Variants in HOMEZ observed in about 807,000 individuals in gnomAD.
HOMEZ encodes homeobox and leucine zipper protein Homez.
HOMEZ carries 20 observed loss-of-function variants against 50.1 expected under a neutral mutation model. The observed-to-expected ratio is 0.40, with a 90% confidence interval of 0.28 to 0.58. The LOEUF (loss-of-function observed/expected upper bound fraction) is 0.58. Among genes scored for constraint, HOMEZ ranks in the 20% least tolerant of loss-of-function variants. The pLI is 0.46. For synonymous variants in HOMEZ, 239 were observed against 254.7 expected (o/e 0.94, Z 0.59); for missense variants, 579 against 680.5 (o/e 0.85, Z 1.66).
chr14:23,284,227 A>C (rs1886614584), intron 1 of HOMEZ, among the ~76,000 whole-genome samples: 2 of 152,358 alleles, frequency 1.3e-5, no homozygotes, highest in African/African-American at 4.8e-5. Context: ...CAACTTAACA[A>C]AGGCAATAGT....
At position 23,276,207 on chromosome 14, in the gene HOMEZ, G is replaced by C. The variant is rs770482162; in HGVS notation, c.1021C>G (p.Pro341Ala). Residue 341 changes from proline to alanine, a missense_variant, in exon 2 of 2, where the codon CCA (proline) becomes GCA (alanine). Physicochemically the swap from Pro to Ala is conservative, Grantham distance 27. Transcript: ENST00000357460. This position sits in a 1 kb window ranked among gnomAD's most constrained non-coding sequence, Gnocchi z 4.1. ...WPQGLRHNSV[P>A]GRVGPTEYLS... Reference sequence around the variant, plus strand: ...TACTCTGTGGGGCCAACTCTACCTGGTACTGAGTTATGCCGTAGCCCTTGG... The same window carrying C: ...TACTCTGTGGGGCCAACTCTACCTGCTACTGAGTTATGCCGTAGCCCTTGG... The C allele has an allele frequency of 6.2e-7, 1 of 1,613,982 alleles. No homozygotes were observed. The highest frequency in any genetic ancestry group is 1.7e-5 in the Admixed American group (1 of 59,998).
In HOMEZ at chr14:23,272,714, A is replaced by G. The variant is rs530324747; in HGVS notation, c.*2861T>C. 35 of 733,230 alleles carry G rather than the reference A, an allele frequency of 4.8e-5. No individual in the cohort carries two copies. In the African/African-American group the frequency reaches 5.1e-4, roughly 11 times the overall value. 45.4% of individuals were successfully genotyped at this position (733,230 alleles called of 1,614,324 possible). ...CAATGAAGAAAACTATGGGGAAGCAAAAGCAGTGGTGTCTGTCTCGATAAG... is the reference window on the plus strand; with the variant it reads ...CAATGAAGAAAACTATGGGGAAGCAGAAGCAGTGGTGTCTGTCTCGATAAG... On this transcript the variant is annotated 3_prime_UTR_variant, in exon 2 of 2. Coordinates refer to ENST00000357460, the MANE Select transcript of HOMEZ (RefSeq NM_020834.3).
chr14:23,276,248 A>G lies in HOMEZ; in HGVS notation c.980T>C (p.Leu327Pro), dbSNP rs1886352598. Reference protein sequence around the residue: ...SPSEQALPPHLEPAWPQGLRH... With the variant: ...SPSEQALPPHPEPAWPQGLRH... ...TAGCCCTTGGGGCCAGGCTGGTTCC[A>G]GATGTGGGGGTAATGCCTGTTCACT... Residue 327 changes from leucine to proline, a missense_variant, in exon 2 of 2, where the codon CTG becomes CCG. Leu to Pro is a moderately conservative substitution (Grantham distance 98). Transcript: ENST00000357460. The surrounding 1 kb of genome is among the most constrained non-coding windows in gnomAD (Gnocchi z 4.1). 6.2e-7 allele frequency: 1 copy of G among 1,613,944 alleles called. No individual in the cohort carries two copies. The highest frequency in any genetic ancestry group is 8.5e-7 in the Non-Finnish European group (1 of 1,179,880).
intron 1 of HOMEZ, among the ~76,000 whole-genome samples, chr14:23,278,055 C>T (rs1467983724): frequency 6.6e-6 from 1 of 152,080 alleles, no homozygotes; most frequent in Non-Finnish European, 1.5e-5. Context: ...TCTTGAACTC[C>T]TGACCTCGTG....
chr14:23,279,298 A>G (rs575092910), intron 1 of HOMEZ, among the ~76,000 whole-genome samples: 1 of 152,220 alleles, frequency 6.6e-6, no homozygotes, highest in South Asian at 2.1e-4. Context: ...GCGCCCTCAT[A>G]GATGGAGCAG....
chr14:23,278,132 T>C (rs2051579555), intron 1 of HOMEZ, among the ~76,000 whole-genome samples: 1 of 151,576 alleles, frequency 6.6e-6, no homozygotes, highest in African/African-American at 2.4e-5. Context: ...AGCTGGTGGG[T>C]TGTTTTTTTT....
rs1886281871 is a variant in HOMEZ, at chr14:23,274,150, A to G, written c.*1425T>C. 1 of 152,608 alleles carries G rather than the reference A, an allele frequency of 6.6e-6. No individual in the cohort carries two copies. Among genetic ancestry groups the G allele is most frequent in the South Asian group, 2.1e-4 (1 of 4,826 alleles). The allele number at this position is 152,608 out of a possible 1,614,324, so 9.5% of individuals were successfully genotyped here. On this transcript the variant is annotated 3_prime_UTR_variant, in exon 2 of 2. Transcript: ENST00000357460. ...AACTCATTGATGATACCTATTTGCC[A>G]TATAGCTGATCCCAACTGATGAAAA...
chr14:23,280,710 T>TTTTTATTTTATTTTATTTTATTTTA (rs1310956438), intron 1 of HOMEZ, among the ~76,000 whole-genome samples: 983 of 61,876 alleles, frequency 0.016, 154 homozygotes, highest in Non-Finnish European at 0.023. Context: ...TATATTTTTA[T>TTTTTATTTTATTTTATTTTATTTTA]TTTTATTTTA....
chr14:23,282,455 G>A (rs1173021336), intron 1 of HOMEZ, among the ~76,000 whole-genome samples: 1 of 151,798 alleles, frequency 6.6e-6, no homozygotes, highest in Non-Finnish European at 1.5e-5. Flanking sequence ...CAGCTGAAAT[G>A]GCCTGGGAGG....
In HOMEZ at chr14:23,275,358, T is replaced by G; in HGVS notation, c.*217A>C. On this transcript the variant is annotated 3_prime_UTR_variant, in exon 2 of 2. Transcript: ENST00000357460. The stretch of plus-strand genomic sequence containing the variant: ...CACTCCCTACCCTAAGGTTAGAGGG[T>G]TGGATTTCTGCTGATCCAATCCCAG... The G allele has an allele frequency of 1.7e-6, 1 of 586,316 alleles. No individual in the cohort carries two copies. The highest frequency in any genetic ancestry group is 2.9e-6 in the Non-Finnish European group (1 of 340,396). 36.3% of individuals were successfully genotyped at this position (586,316 alleles called of 1,614,324 possible). A position where few individuals can be genotyped will look rare whatever the true frequency, so the allele number is the denominator to read the frequency against.
chr14:23,272,996 C>T lies in HOMEZ; in HGVS notation c.*2579G>A. The T allele has an allele frequency of 3.1e-6, 2 of 646,228 alleles. No individual in the cohort carries two copies. The highest frequency in any genetic ancestry group is 5.3e-6 in the Non-Finnish European group (2 of 379,568). 40.0% of individuals were successfully genotyped at this position (646,228 alleles called of 1,614,324 possible). On this transcript the variant is annotated 3_prime_UTR_variant, in exon 2 of 2. Transcript: ENST00000357460. ...GGAAAATGTATCCCTGCATTGTTTCCTAGTTTCACTCTGTACCTTATGCTC... is the reference window on the plus strand; with the variant it reads ...GGAAAATGTATCCCTGCATTGTTTCTTAGTTTCACTCTGTACCTTATGCTC...
rs1188875917 is a variant in HOMEZ at position 23,273,675 on chromosome 14, G to A, written c.*1900C>T. On this transcript the variant is annotated 3_prime_UTR_variant, in exon 2 of 2. Transcript: ENST00000357460. Reference sequence around the variant, plus strand: ...ATCTGCCAGAAATAAATTAGGTCTTGGGAATGATCTTGTATCTGAACTAGG... The same window carrying A: ...ATCTGCCAGAAATAAATTAGGTCTTAGGAATGATCTTGTATCTGAACTAGG... The A allele has an allele frequency of 6.6e-6, 1 of 152,216 alleles. No homozygotes were observed. Among genetic ancestry groups the A allele is most frequent in the Non-Finnish European group, 1.5e-5 (1 of 68,036 alleles). The allele number at this position is 152,216 out of a possible 1,614,324, so 9.4% of individuals were successfully genotyped here. A position where few individuals can be genotyped will look rare whatever the true frequency, so the allele number is the denominator to read the frequency against.
chr14:23,281,091 TA>T (rs1886546020), intron 1 of HOMEZ, among the ~76,000 whole-genome samples: 5 of 152,064 alleles, frequency 3.3e-5, no homozygotes, highest in African/African-American at 4.8e-5. Context: ...TTTTAAGTAT[TA>T]CTCCTGATCT....
chr14:23,283,020 T>C (rs543674858), intron 1 of HOMEZ, among the ~76,000 whole-genome samples: 3 of 152,298 alleles, frequency 2.0e-5, no homozygotes. Context: ...GTAGACCCTA[T>C]AGTAATCAAA....
At chr14:23,278,260 C>T (rs149611930) in intron 1 of HOMEZ, among the ~76,000 whole-genome samples, 1 of 152,246 alleles carries the variant, frequency 6.6e-6, no homozygotes, top group Non-Finnish European at 1.5e-5. Context: ...AAGCTATCCA[C>T]CAACTCTCAC....
intron 1 of HOMEZ, among the ~76,000 whole-genome samples, chr14:23,278,306 G>A (rs1427864407): frequency 6.6e-6 from 1 of 152,054 alleles, no homozygotes; most frequent in African/African-American, 2.4e-5. Flanking sequence ...ACATAGTGAA[G>A]ACTCAACCAC....
chr14:23,280,713 TTA>T lies in HOMEZ; in HGVS notation c.41-3528_41-3527del, dbSNP rs1555323561. 2.3e-4 allele frequency among the ~76,000 whole-genome samples: 13 copies of T among 57,384 alleles called. 1 individual carries two copies. Among genetic ancestry groups the T allele is most frequent in the South Asian group, 1.1e-3 (2 of 1,786 alleles). The allele number at this position is 57,384 out of a possible 152,430, so 37.6% of individuals were successfully genotyped here. A position where few individuals can be genotyped will look rare whatever the true frequency, so the allele number is the denominator to read the frequency against. The stretch of plus-strand genomic sequence containing the variant: ...TATTTTTATTTTTATATTTTTATTT[TTA>T]TTTTATTTTATTTTATTTTATTTTA... On this transcript the variant is annotated intron_variant, in intron 1 of 1. Transcript: ENST00000357460.
At chr14:23,279,203 C>T (rs760274064) in intron 1 of HOMEZ, among the ~76,000 whole-genome samples, 5 of 152,194 alleles carry the variant, frequency 3.3e-5, no homozygotes, top group Middle Eastern at 3.4e-3. Flanking sequence ...AATAAAGTTT[C>T]GGTGCCACAA....
In HOMEZ at chr14:23,277,110, C is replaced by A; in HGVS notation, c.118G>T (p.Gly40Trp). The A allele has an allele frequency of 2.5e-6, 4 of 1,613,914 alleles. No individual in the cohort carries two copies. The highest frequency in any genetic ancestry group is 3.4e-6 in the Non-Finnish European group (4 of 1,179,856). The change falls in exon 2 of 2, where the codon GGG (glycine) becomes TGG (tryptophan). Residue 40 changes from glycine (G) to tryptophan (W), a missense_variant. Transcript: ENST00000357460. ...GAGATTGGAGGGAGGCAGATGAGCCCCGCTGGTGAACTACTGAGACCGCTG... is the reference window on the plus strand; with the variant it reads ...GAGATTGGAGGGAGGCAGATGAGCCACGCTGGTGAACTACTGAGACCGCTG... The part of the protein sequence containing the change: ...EASGLSSSPA[G>W]LICLPPISEE...
Sources: gnomAD v4.1 joint callset for allele counts (sites outside exome capture counted in the v4.1 genomes callset) on GRCh38, gnomAD v4.1.1 for gene constraint, Gnocchi (gnomAD v3.1) non-coding constraint, MANE v1.5 for transcripts, NCBI Gene and HGNC (gene_info 2026-07-23, HGNC 2026-07-21) for gene names.